The following POU6F2 variants were observed in gnomAD, a reference collection of about 807,000 sequenced individuals.
POU6F2 encodes the protein POU domain, class 6, transcription factor 2.
POU6F2 carries 31 observed loss-of-function variants against 71.3 expected under a neutral mutation model. That is an observed-to-expected ratio of 0.43 (90% confidence interval 0.33 to 0.59). The LOEUF (loss-of-function observed/expected upper bound fraction) is 0.59, where lower values mean the gene tolerates loss of function less well. POU6F2 is among the 20% of genes least tolerant of loss of function. The pLI, the probability that POU6F2 is intolerant of heterozygous loss-of-function variation, is 0.04. For synonymous variants in POU6F2, 347 were observed against 355.7 expected, an observed-to-expected ratio of 0.98 and a Z score of 0.27; for missense variants, 783 against 856.8, an observed-to-expected ratio of 0.91 and a Z score of 1.07.
intron 4 of POU6F2, among the ~76,000 whole-genome samples, chr7:39,298,753 C>T (rs917475958): frequency 6.6e-6 from 1 of 152,132 alleles, no homozygotes. Flanking sequence ...ATGGAACCAA[C>T]CCAAATGCCC....
chr7:39,209,632 C>T (rs1461875617), intron 4 of POU6F2, among the ~76,000 whole-genome samples: 1 of 152,166 alleles, frequency 6.6e-6, no homozygotes, highest in Non-Finnish European at 1.5e-5. Context: ...TCAGGAAAGT[C>T]TCATGCCTCA....
chr7:39,001,994 A>G (rs1377490416), intron 1 of POU6F2: 1 of 152,214 alleles, frequency 6.6e-6, no homozygotes, highest in Non-Finnish European at 1.5e-5. Context: ...ATAAGCCACA[A>G]TGGGGTTTAA....
rs115825791 is a variant in POU6F2 at position 39,272,046 on chromosome 7, C to T, written c.598+64426C>T. Among the ~76,000 whole-genome samples, 812 of 151,814 alleles carry T rather than the reference C, an allele frequency of 5.3e-3. 10 individuals carry two copies. Among genetic ancestry groups the T allele is most frequent in the African/African-American group, 0.018 (740 of 41,358 alleles). ...TCAGATTACAGAAAAGCTAGTGCTTCGGAAAAACATTTAGATGGTAGATTT... is the reference window on the plus strand; with the variant it reads ...TCAGATTACAGAAAAGCTAGTGCTTTGGAAAAACATTTAGATGGTAGATTT... On this transcript the variant is annotated intron_variant, in intron 4 of 9. Coordinates refer to ENST00000518318, the MANE Select transcript of POU6F2 (RefSeq NM_001370959.1).
chr7:39,168,143 T>C (rs1793148179), intron 2 of POU6F2, among the ~76,000 whole-genome samples: 1 of 152,202 alleles, frequency 6.6e-6, no homozygotes, highest in Admixed American at 6.5e-5. Context: ...TTTTTTGTCT[T>C]GGAAAAAACA....
chr7:39,370,518 G>C (rs996110553), intron 5 of POU6F2, among the ~76,000 whole-genome samples: 1 of 152,192 alleles, frequency 6.6e-6, no homozygotes, highest in African/African-American at 2.4e-5. Context: ...TGTGCTCCTG[G>C]ATGTCTGAAT....
At chr7:39,018,549 A>G (rs1469194855) in intron 1 of POU6F2, among the ~76,000 whole-genome samples, 1 of 152,218 alleles carries the variant, frequency 6.6e-6, no homozygotes, top group Admixed American at 6.5e-5. Flanking sequence ...TAAGTACTGC[A>G]TTATCATTGT....
At chr7:39,331,243 G>A (rs1785641977) in intron 4 of POU6F2, among the ~76,000 whole-genome samples, 3 of 152,118 alleles carry the variant, frequency 2.0e-5, no homozygotes, top group Non-Finnish European at 4.4e-5. Flanking sequence ...AAACATGAGG[G>A]TACAGATGTC....
At chr7:39,124,527 A>T (rs1441594078) in intron 2 of POU6F2, among the ~76,000 whole-genome samples, 1 of 152,246 alleles carries the variant, frequency 6.6e-6, no homozygotes, top group Non-Finnish European at 1.5e-5. Flanking sequence ...CTTAGGTGAC[A>T]AGAGTAGTTT....
At chr7:39,310,883 T>C in intron 4 of POU6F2, among the ~76,000 whole-genome samples, 1 of 151,716 alleles carries the variant, frequency 6.6e-6, no homozygotes. Context: ...AAGACAGAGG[T>C]GAAGAGCTGC....
At chr7:39,174,956 C>T (rs1054696333) in intron 2 of POU6F2, among the ~76,000 whole-genome samples, 5 of 152,206 alleles carry the variant, frequency 3.3e-5, no homozygotes, top group African/African-American at 1.2e-4. Flanking sequence ...TCCTTGTACT[C>T]TTTATTTCTC....
intron 4 of POU6F2, among the ~76,000 whole-genome samples, chr7:39,302,328 C>T (rs899223238): frequency 6.6e-6 from 1 of 152,170 alleles, no homozygotes; most frequent in African/African-American, 2.4e-5. Flanking sequence ...CAAAAATGCA[C>T]TGTTGGGGGG....
At chr7:39,047,548 A>G (rs1014886480) in intron 1 of POU6F2, among the ~76,000 whole-genome samples, 1 of 151,878 alleles carries the variant, frequency 6.6e-6, no homozygotes, top group Non-Finnish European at 1.5e-5. Context: ...GATTTTTTGT[A>G]TATTGATCTT....
intron 6 of POU6F2, among the ~76,000 whole-genome samples, chr7:39,418,967 G>GTATATATA (rs1787756554): frequency 8.1e-6 from 1 of 123,776 alleles, no homozygotes; most frequent in Non-Finnish European, 1.6e-5. Context: ...ATATATATGT[G>GTATATATA]TATATATGTA....
Position 39,029,278 on chromosome 7 carries a change from G to A in POU6F2, c.105+51220G>A, listed in dbSNP as rs541200224. 3.1e-3 allele frequency among the ~76,000 whole-genome samples: 478 copies of A among 151,814 alleles called. 3 individuals carry two copies. Among genetic ancestry groups the A allele is most frequent in the Non-Finnish European group, 4.6e-3 (313 of 67,926 alleles). The stretch of plus-strand genomic sequence containing the variant: ...TAGTATTTTGTTTTATATTCTTTTG[G>A]TTTTTCTATGAAGATAATTATGTGA... On this transcript the variant is annotated intron_variant, in intron 1 of 9. Transcript: ENST00000518318.
chr7:39,031,073 G>C (rs1050545755), intron 1 of POU6F2, among the ~76,000 whole-genome samples: 18 of 151,882 alleles, frequency 1.2e-4, no homozygotes, highest in South Asian at 4.2e-4. Context: ...GCTAATTTTT[G>C]TATTTTTAGT....
At chr7:39,128,204 T>C (rs1369612640) in intron 2 of POU6F2, among the ~76,000 whole-genome samples, 1 of 152,204 alleles carries the variant, frequency 6.6e-6, no homozygotes, top group Non-Finnish European at 1.5e-5. Context: ...AAGAAGCAGC[T>C]TAGAAAATAT....
At chr7:39,102,634 A>G (rs1011623606) in intron 2 of POU6F2, among the ~76,000 whole-genome samples, 7 of 152,148 alleles carry the variant, frequency 4.6e-5, no homozygotes, top group Admixed American at 4.6e-4. Context: ...ATATATATAT[A>G]TATGTTTATA....
chr7:39,171,802 C>T (rs948525847), intron 2 of POU6F2, among the ~76,000 whole-genome samples: 29 of 152,312 alleles, frequency 1.9e-4, no homozygotes, highest in African/African-American at 6.0e-4. Flanking sequence ...AAAATCACTT[C>T]GGTCTCGTAA....
intron 1 of POU6F2, among the ~76,000 whole-genome samples, chr7:39,048,894 A>T (rs1449688716): frequency 1.3e-5 from 2 of 151,966 alleles, no homozygotes; most frequent in East Asian, 3.9e-4. Flanking sequence ...ATGGTATCTC[A>T]TATCTATACA....
Sources: allele counts gnomAD v4.1 joint callset (sites outside exome capture counted in the v4.1 genomes callset), GRCh38; gene constraint gnomAD v4.1.1; transcripts MANE v1.5; gene names NCBI Gene and HGNC (gene_info 2026-07-23, HGNC 2026-07-21).